SNX24: variants seen among roughly 807,000 people sequenced by gnomAD.
SNX24 encodes sorting nexin-24.
In SNX24, 22 loss-of-function variants were observed where a neutral mutation model predicts 28.7. The observed-to-expected ratio is 0.77, with a 90% CI of 0.55 to 1.10. SNX24 has a LOEUF of 1.10. Among genes scored for constraint, SNX24 ranks in the 50% least tolerant of loss-of-function variants. The pLI is 0.00. For synonymous variants in SNX24, 69 were observed against 71.5 expected (o/e 0.96, Z 0.18); for missense variants, 221 against 201.1 (o/e 1.10, Z -0.60).
chr5:122,924,482 T>C (rs1388476369), intron 1 of SNX24, among the ~76,000 whole-genome samples: 1 of 152,072 alleles, frequency 6.6e-6, no homozygotes, highest in East Asian at 1.9e-4. Context: ...CAAGACACCG[T>C]GGGACAGTGT....
At chr5:122,958,965 G>T (rs1423382970) in intron 3 of SNX24, among the ~76,000 whole-genome samples, 1 of 152,022 alleles carries the variant, frequency 6.6e-6, no homozygotes, top group African/African-American at 2.4e-5. Flanking sequence ...TCTTTTTGGG[G>T]GTGTCTTTGT....
intron 5 of SNX24, chr5:123,023,834 A>ACG: frequency 6.2e-7 from 1 of 1,606,960 alleles, no homozygotes; most frequent in Non-Finnish European, 8.5e-7. Flanking sequence ...ACACACACAC[A>ACG]CACCCCTGCC....
chr5:122,964,327 C>T (rs1266738506), intron 3 of SNX24, among the ~76,000 whole-genome samples: 2 of 149,948 alleles, frequency 1.3e-5, no homozygotes, highest in South Asian at 2.1e-4. Context: ...CATTTGGCAA[C>T]GTCTAGAGAC....
At chr5:123,016,140 G>A (rs1238755397) in intron 5 of SNX24, among the ~76,000 whole-genome samples, 1 of 152,160 alleles carries the variant, frequency 6.6e-6, no homozygotes, top group African/African-American at 2.4e-5. Flanking sequence ...ACAGAATAAT[G>A]TGATATTGGC....
intron 5 of SNX24, among the ~76,000 whole-genome samples, chr5:123,017,138 T>C (rs7709836): frequency 0.45 from 68,893 of 151,738 alleles, 16,653 homozygotes; most frequent in African/African-American, 0.6. Context: ...AATTCACAAG[T>C]GGTGAACGGT....
At chr5:122,963,792 C>G (rs564295419) in intron 3 of SNX24, among the ~76,000 whole-genome samples, 155 of 152,274 alleles carry the variant, frequency 1.0e-3, no homozygotes, top group Non-Finnish European at 1.7e-3. Context: ...TAAGTAGTCT[C>G]TTTCTTCACA....
At chr5:122,989,470 A>C (rs560828517) in intron 3 of SNX24, among the ~76,000 whole-genome samples, 2 of 113,196 alleles carry the variant, frequency 1.8e-5, no homozygotes, top group Non-Finnish European at 3.2e-5. Context: ...CCATCCAGTC[A>C]CTTCTTCTGA....
chr5:122,904,478 C>T (rs1295916995), intron 1 of SNX24, among the ~76,000 whole-genome samples: 3 of 152,080 alleles, frequency 2.0e-5, no homozygotes, highest in Admixed American at 1.3e-4. Flanking sequence ...CCACCACTCC[C>T]GGCCTTTTTA....
At chr5:122,846,759 G>C (rs1754655136) in intron 1 of SNX24, among the ~76,000 whole-genome samples, 1 of 152,158 alleles carries the variant, frequency 6.6e-6, no homozygotes, top group African/African-American at 2.4e-5. Context: ...TTTTAGAATT[G>C]AGTAGACTGC....
chr5:123,021,217 T>C (rs1762758275), intron 5 of SNX24, among the ~76,000 whole-genome samples: 1 of 152,150 alleles, frequency 6.6e-6, no homozygotes, highest in East Asian at 1.9e-4. Context: ...TCCCTGATGT[T>C]GTGTTATATA....
At chr5:122,967,969 G>C (rs1261966841) in intron 3 of SNX24, among the ~76,000 whole-genome samples, 3 of 152,188 alleles carry the variant, frequency 2.0e-5, no homozygotes, top group African/African-American at 4.8e-5. Context: ...TGGGAAAGTA[G>C]GTGACTTTTG....
At chr5:122,852,455 C>T (rs34056349) in intron 1 of SNX24, among the ~76,000 whole-genome samples, 3,983 of 152,010 alleles carry the variant, frequency 0.026, 69 homozygotes, top group Non-Finnish European at 0.037. Flanking sequence ...GTGATTCCGC[C>T]ACCTCAGCCT....
intron 3 of SNX24, among the ~76,000 whole-genome samples, chr5:122,975,868 C>T (rs990074803): frequency 6.6e-6 from 1 of 152,118 alleles, no homozygotes; most frequent in African/African-American, 2.4e-5. Flanking sequence ...TAATCATTCC[C>T]ATATACCTTT....
intron 5 of SNX24, among the ~76,000 whole-genome samples, chr5:123,014,278 C>A (rs1261249395): frequency 2.6e-5 from 4 of 151,652 alleles, no homozygotes; most frequent in African/African-American, 4.9e-5. Context: ...GCAATCATCC[C>A]ACCTCAGCGT....
chr5:123,027,762 C>A (rs539409794), intron 5 of SNX24, among the ~76,000 whole-genome samples: 1 of 152,032 alleles, frequency 6.6e-6, no homozygotes, highest in Non-Finnish European at 1.5e-5. Flanking sequence ...AAATGGACAA[C>A]AAATATCCAC....
intron 1 of SNX24, among the ~76,000 whole-genome samples, chr5:122,883,737 A>G (rs1756577707): frequency 6.6e-6 from 1 of 151,622 alleles, no homozygotes; most frequent in Admixed American, 6.6e-5. Flanking sequence ...GCAAGCTTGA[A>G]CTCCTGGGCT....
At chr5:122,919,151 C>T (rs1286754788) in intron 1 of SNX24, among the ~76,000 whole-genome samples, 1 of 152,194 alleles carries the variant, frequency 6.6e-6, no homozygotes, top group Non-Finnish European at 1.5e-5. Context: ...GAAAGCAAGA[C>T]AATCCATATA....
At chr5:122,984,521 G>T (rs1302686557) in intron 3 of SNX24, among the ~76,000 whole-genome samples, 2 of 152,150 alleles carry the variant, frequency 1.3e-5, no homozygotes, top group Non-Finnish European at 2.9e-5. Flanking sequence ...TAGTTTCAAA[G>T]AGAATGTCAA....
intron 3 of SNX24, among the ~76,000 whole-genome samples, chr5:122,947,361 G>C (rs1197415632): frequency 6.6e-6 from 1 of 152,116 alleles, no homozygotes; most frequent in African/African-American, 2.4e-5. Flanking sequence ...CTTGTACTTA[G>C]TGAGAAATTC....
Sources: gnomAD v4.1 joint callset for allele counts (sites outside exome capture counted in the v4.1 genomes callset) on GRCh38, gnomAD v4.1.1 for gene constraint, MANE v1.5 for transcripts, NCBI Gene and HGNC (gene_info 2026-07-23, HGNC 2026-07-21) for gene names.